ADAMTS19: variants seen among roughly 807,000 people sequenced by gnomAD.
ADAMTS19 encodes A disintegrin and metalloproteinase with thrombospondin motifs 19.
Under a neutral mutation model 153.3 loss-of-function variants are expected in ADAMTS19, and 93 were observed. The ratio of observed to expected loss-of-function variants is 0.61; its 90% CI spans 0.51 to 0.72. ADAMTS19 has a LOEUF of 0.72. ADAMTS19 is among the 30% of genes least tolerant of loss of function. ADAMTS19 has a pLI of 0.00. For synonymous variants in ADAMTS19, 600 were observed against 556.6 expected (o/e 1.08, Z -1.10); for missense variants, 1,482 against 1,552.1 (o/e 0.95, Z 0.76).
chr5:129,474,638 A>G (rs1580985264), intron 2 of ADAMTS19, among the ~76,000 whole-genome samples: 2 of 152,254 alleles, frequency 1.3e-5, no homozygotes, highest in African/African-American at 4.8e-5. Flanking sequence ...GAATTGTGCA[A>G]CCATCACCAC....
At chr5:129,596,430 C>G in intron 7 of ADAMTS19, 129 bp from the exon 8 acceptor site, 1 of 589,796 alleles carries the variant, frequency 1.7e-6, no homozygotes, top group Non-Finnish European at 2.8e-6. Context: ...TTTATTAGGG[C>G]TAGATTTCAC....
Position 129,694,726 on chromosome 5 carries a change from G to A in ADAMTS19, c.2825G>A (p.Arg942Lys), listed in dbSNP as rs1755479352. Reference sequence around the variant, plus strand: ...GTTTATTTGTTCTTTTCAGGAGAAAGGAAGACAACAGTGTCCTGCACAAAA... The same window carrying A: ...GTTTATTTGTTCTTTTCAGGAGAAAAGAAGACAACAGTGTCCTGCACAAAA... ...DCDATCGGGE[R>K]KTTVSCTKIM... The change falls in exon 19 of 23, where the codon AGG (arginine) becomes AAG (lysine). Residue 942 changes from arginine to lysine, a missense_variant. This residue lies in a region of ADAMTS19 where 616 missense variants were observed against 724.4 expected (regional missense o/e 0.85). Coordinates refer to ENST00000274487, the MANE Select transcript of ADAMTS19 (RefSeq NM_133638.6). The A allele has an allele frequency of 6.4e-7, 1 of 1,569,072 alleles. No homozygotes were observed. Among genetic ancestry groups the A allele is most frequent in the Admixed American group, 1.8e-5 (1 of 54,940 alleles).
At chr5:129,480,329 C>G (rs893873406) in intron 2 of ADAMTS19, among the ~76,000 whole-genome samples, 3 of 152,150 alleles carry the variant, frequency 2.0e-5, no homozygotes, top group African/African-American at 7.2e-5. Context: ...ACCTTCACTA[C>G]TTTGACATAA....
chr5:129,467,895 A>G (rs969523095), intron 2 of ADAMTS19, among the ~76,000 whole-genome samples: 2 of 152,224 alleles, frequency 1.3e-5, no homozygotes, highest in Admixed American at 6.5e-5. Context: ...GAGGTAGTTT[A>G]TGCATAGACA....
At chr5:129,659,133 AT>A (rs1040798870) in intron 15 of ADAMTS19, among the ~76,000 whole-genome samples, 1 of 151,900 alleles carries the variant, frequency 6.6e-6, no homozygotes, top group African/African-American at 2.4e-5. Context: ...TTCCATCTTT[AT>A]TTTTTTCTTA....
At chr5:129,653,170 C>T (rs1211433109) in intron 13 of ADAMTS19, among the ~76,000 whole-genome samples, 1 of 152,174 alleles carries the variant, frequency 6.6e-6, no homozygotes, top group African/African-American at 2.4e-5. Context: ...AGAATCCCAT[C>T]AGCATACGTG....
chr5:129,554,295 A>G (rs1166074998), intron 7 of ADAMTS19, among the ~76,000 whole-genome samples: 1 of 152,168 alleles, frequency 6.6e-6, no homozygotes, highest in African/African-American at 2.4e-5. Flanking sequence ...ACCACTGTGT[A>G]GCTGCAATGC....
intron 21 of ADAMTS19, among the ~76,000 whole-genome samples, chr5:129,709,482 AATAACT>A: frequency 6.6e-6 from 1 of 152,164 alleles, no homozygotes; most frequent in Non-Finnish European, 1.5e-5. Flanking sequence ...AGGAATCTGT[AATAACT>A]ATAAGCAAAT....
At chr5:129,583,124 G>A (rs1749607753) in intron 7 of ADAMTS19, among the ~76,000 whole-genome samples, 2 of 152,076 alleles carry the variant, frequency 1.3e-5, no homozygotes, top group South Asian at 2.1e-4. Context: ...AAATCTCTCA[G>A]CATTTGCTTG....
chr5:129,460,451 G>C lies in ADAMTS19; in HGVS notation c.60G>C (p.Gln20His), dbSNP rs374433325. The C allele has an allele frequency of 3.7e-6, 6 of 1,614,036 alleles. No homozygotes were observed. The African/African-American group carries it at 6.7e-5, about 18-fold the overall frequency. Residue 20 changes from glutamine to histidine, a missense_variant, in exon 1 of 23, where the codon CAG becomes CAC. By Grantham distance (24) the Gln-to-His change is conservative (BLOSUM62 0). Transcript: ENST00000274487. ...THICCCCLLYQLGFLSNGIVS... is the reference protein window; with the variant it reads ...THICCCCLLYHLGFLSNGIVS... The stretch of plus-strand genomic sequence containing the variant: ...TCTGCTGCTGCTGCCTCCTTTACCA[G>C]CTGGGGTTCCTGTCGAATGGGATCG...
chr5:129,609,820 T>C (rs1012150805), intron 8 of ADAMTS19, among the ~76,000 whole-genome samples: 6 of 152,156 alleles, frequency 3.9e-5, no homozygotes, highest in Non-Finnish European at 8.8e-5. Context: ...AATTCTCTGA[T>C]GTTTCTTGGC....
At chr5:129,537,954 GA>G (rs559991497) in intron 6 of ADAMTS19, among the ~76,000 whole-genome samples, 7 of 151,416 alleles carry the variant, frequency 4.6e-5, no homozygotes, top group African/African-American at 1.7e-4. Context: ...CACAAAAAAA[GA>G]AAAAAAAGAG....
At chr5:129,622,384 A>G (rs751314119) in intron 10 of ADAMTS19, 36 bp downstream of exon 10, 9 of 1,612,328 alleles carry the variant, frequency 5.6e-6, no homozygotes, top group African/African-American at 4.0e-5. Flanking sequence ...GCGTTCATTC[A>G]TTGTTTAGAA....
intron 7 of ADAMTS19, among the ~76,000 whole-genome samples, chr5:129,557,909 T>G (rs1753369360): frequency 6.6e-6 from 1 of 152,092 alleles, no homozygotes; most frequent in African/African-American, 2.4e-5. Flanking sequence ...TACGGTTATT[T>G]TATTGCAGGT....
chr5:129,479,701 T>C (rs906626559), intron 2 of ADAMTS19, among the ~76,000 whole-genome samples: 3 of 152,108 alleles, frequency 2.0e-5, no homozygotes, highest in Admixed American at 6.6e-5. Flanking sequence ...ACATTTACAA[T>C]ACTATAAAAA....
chr5:129,641,860 AT>A lies in ADAMTS19; in HGVS notation c.1773del (p.His591GlnfsTer11). The stretch of plus-strand genomic sequence containing the variant: ...TAGTTATTGTGCCTTTGTTTTCAGC[AT>A]GTTATTTGCACAGGATTATGGTGCA... ...PLASFCQEMQ[H>X]VICTGLWCKV... On this transcript the variant is annotated frameshift_variant and splice_region_variant, in exon 11 of 23. Coordinates refer to ENST00000274487, the MANE Select transcript of ADAMTS19 (RefSeq NM_133638.6). LOFTEE classifies it high-confidence loss of function. The A allele has an allele frequency of 6.3e-7, 1 of 1,575,710 alleles. No individual in the cohort carries two copies. Among genetic ancestry groups the A allele is most frequent in the Non-Finnish European group, 8.6e-7 (1 of 1,157,382 alleles).
chr5:129,643,382 A>AAAAAAAAAAAAAG (rs1554101887), intron 11 of ADAMTS19, among the ~76,000 whole-genome samples: 1 of 142,726 alleles, frequency 7.0e-6, no homozygotes, highest in East Asian at 2.1e-4. Flanking sequence ...AAAAAAAAAA[A>AAAAAAAAAAAAAG]AAAAGAAAAA....
At chr5:129,516,613 C>T (rs1367733694) in intron 3 of ADAMTS19, among the ~76,000 whole-genome samples, 2 of 151,646 alleles carry the variant, frequency 1.3e-5, no homozygotes, top group African/African-American at 2.4e-5. Context: ...ACTAATGATC[C>T]TTTGAATTTC....
intron 2 of ADAMTS19, among the ~76,000 whole-genome samples, chr5:129,494,370 C>A (rs1403086551): frequency 6.6e-6 from 1 of 152,072 alleles, no homozygotes; most frequent in African/African-American, 2.4e-5. Context: ...TCCTGGACAC[C>A]ACATGTCTGA....
Sources: gnomAD v4.1 joint callset for allele counts (sites outside exome capture counted in the v4.1 genomes callset) on GRCh38, gnomAD v4.1.1 for gene constraint, gnomAD v4.1.1 regional missense constraint, MANE v1.5 for transcripts, NCBI Gene and HGNC (gene_info 2026-07-23, HGNC 2026-07-21) for gene names.